The following SANBR variants were observed in gnomAD, a reference collection of about 807,000 sequenced individuals.
SANBR encodes the protein SANT and BTB domain regulator of CSR, also known as SANT and BTB domain regulator of class switch recombination.
Under a neutral mutation model 101.8 loss-of-function variants are expected in SANBR, and 77 were observed. The ratio of observed to expected loss-of-function variants is 0.76; its 90% CI spans 0.63 to 0.91. The LOEUF (loss-of-function observed/expected upper bound fraction) is 0.91, where lower values mean the gene tolerates loss of function less well. Ranked by LOEUF, SANBR falls within the 40% of genes least tolerant of loss-of-function variation. The pLI is 0.00. For synonymous variants in SANBR, 279 were observed against 274.7 expected (o/e 1.02, Z -0.15); for missense variants, 875 against 853.0 (o/e 1.03, Z -0.32).
downstream of SANBR, among the ~76,000 whole-genome samples, chr2:61,126,873 A>T (rs1179131221): frequency 1.3e-5 from 2 of 151,874 alleles, no homozygotes; most frequent in Non-Finnish European, 2.9e-5. Flanking sequence ...ACTACGCTGG[A>T]ATATAGTAAG....
At chr2:61,118,568 T>G (rs1190656587) in intron 20 of SANBR, among the ~76,000 whole-genome samples, 6 of 93,078 alleles carry the variant, frequency 6.4e-5, no homozygotes, top group Non-Finnish European at 1.1e-4. Flanking sequence ...TTTTGTTGGT[T>G]TTTTTTTTTT....
At chr2:61,068,346 T>A (rs1394922142) in intron 1 of SANBR, among the ~76,000 whole-genome samples, 2 of 152,218 alleles carry the variant, frequency 1.3e-5, no homozygotes, top group African/African-American at 4.8e-5. Context: ...TGTTTCCAAC[T>A]GGGCACAAGG....
intron 13 of SANBR, 131 bp from the exon 14 acceptor site, chr2:61,106,432 C>T (rs986207910): frequency 7.8e-5 from 39 of 500,986 alleles, no homozygotes; most frequent in Admixed American, 6.1e-4. Context: ...TCATTGTTGA[C>T]GTGATATCCT....
intron 20 of SANBR, 74 bp downstream of exon 20, chr2:61,118,190 TA>T: frequency 1.0e-6 from 1 of 982,906 alleles, no homozygotes. Context: ...CTTAGGATTA[TA>T]AAGATGTCTT....
intron 10 of SANBR, among the ~76,000 whole-genome samples, chr2:61,091,417 C>A (rs568903973): frequency 6.8e-4 from 103 of 152,000 alleles, no homozygotes; most frequent in Non-Finnish European, 1.3e-3. Flanking sequence ...TGTGGTAAAA[C>A]CCCGTCTCTA....
chr2:61,097,666 A>G lies in SANBR; in HGVS notation c.1213-34A>G, dbSNP rs199568586. The G allele has an allele frequency of 8.8e-6, 13 of 1,477,016 alleles. No homozygotes were observed. In the African/African-American group the frequency reaches 1.7e-4, roughly 19 times the overall value. 91.5% of individuals were successfully genotyped at this position (1,477,016 alleles called of 1,614,324 possible). On this transcript the variant is annotated intron_variant, in intron 11 of 21. Coordinates refer to ENST00000402291, the MANE Select transcript of SANBR (RefSeq NM_001129993.3). ...TTTGAAACATATAATTTTGTTGTGG[A>G]AATAGTAGTTGATTTTATCTATGTC...
Position 61,122,713 on chromosome 2 carries a change from A to G in SANBR, c.*551A>G. ...AAGTTTCAGGGTAAGGTATTTCAGT[A>G]CTGTGTTGGGCAGAAGGGTTAATTT... On this transcript the variant is annotated 3_prime_UTR_variant, in exon 22 of 22. Transcript: ENST00000402291. 1 of 985,766 alleles carries G rather than the reference A, an allele frequency of 1.0e-6. No individual in the cohort carries two copies. Among genetic ancestry groups the G allele is most frequent in the African/African-American group, 1.7e-5 (1 of 57,362 alleles). 61.1% of individuals were successfully genotyped at this position (985,766 alleles called of 1,614,324 possible).
At chr2:61,096,760 CAATT>C (rs1399555552) in intron 11 of SANBR, among the ~76,000 whole-genome samples, 2 of 152,204 alleles carry the variant, frequency 1.3e-5, no homozygotes, top group Admixed American at 6.5e-5. Context: ...TTTAATTTGA[CAATT>C]AAACCTTGAT....
intron 5 of SANBR, among the ~76,000 whole-genome samples, chr2:61,073,794 A>G (rs1446442517): frequency 6.6e-6 from 1 of 152,000 alleles, no homozygotes; most frequent in Non-Finnish European, 1.5e-5. Context: ...TAGAAGTAAT[A>G]TCTCTTAACA....
chr2:61,070,401 A>G lies in SANBR; in HGVS notation c.51A>G (p.Gln17=), dbSNP rs1238867746. ...ENNNFLNNNN[Q]MVLDMILYPL... is the part of the protein sequence containing the mutation. ...ACAATTTCCTGAACAATAATAACCA[A>G]ATGGTATTGGACATGATCCTTTATC... The change falls in exon 3 of 22, where the codon CAA becomes CAG. Residue 17 remains glutamine, a synonymous_variant. Coordinates refer to ENST00000402291, the MANE Select transcript of SANBR (RefSeq NM_001129993.3). 6.3e-7 allele frequency: 1 copy of G among 1,599,658 alleles called. No individual in the cohort carries two copies. Among genetic ancestry groups the G allele is most frequent in the South Asian group, 1.1e-5 (1 of 88,196 alleles).
rs1683578260 is a variant in SANBR at position 61,106,566 on chromosome 2, T to C, written c.1515T>C (p.Asp505=). 6.3e-7 allele frequency: 1 copy of C among 1,586,754 alleles called. No individual in the cohort carries two copies. The highest frequency in any genetic ancestry group is 8.6e-7 in the Non-Finnish European group (1 of 1,167,078). The change falls in exon 14 of 22, where the codon GAT becomes GAC. Residue 505 remains aspartate (D), a synonymous_variant. Coordinates refer to ENST00000402291, the MANE Select transcript of SANBR (RefSeq NM_001129993.3). ...VVPFSKDTVS[D]VGVGLCDEKG... ...AAAAATGTCTTTTTCTTTCAAGTGA[T>C]GTTGGGGTTGGCCTCTGTGATGAAA...
exon 22 of SANBR, chr2:61,137,555 A>G (rs1452926724): frequency 6.6e-6 from 1 of 152,292 alleles, no homozygotes; most frequent in Non-Finnish European, 1.5e-5. Flanking sequence ...GCAGGAGAGG[A>G]AGCCTTATAG....
intron 20 of SANBR, among the ~76,000 whole-genome samples, chr2:61,130,504 G>A (rs185795808): frequency 1.3e-5 from 2 of 152,218 alleles, no homozygotes; most frequent in Admixed American, 1.3e-4. Flanking sequence ...GAATATAGAT[G>A]CAAAAATCCT....
At chr2:61,115,522 G>A (rs563321283) in intron 16 of SANBR, among the ~76,000 whole-genome samples, 89 of 152,112 alleles carry the variant, frequency 5.9e-4, no homozygotes, top group Admixed American at 1.5e-3. Context: ...TAGTATAAAT[G>A]TAAATGTGCC....
At chr2:61,133,292 A>AT (rs1305371979) in intron 20 of SANBR, among the ~76,000 whole-genome samples, 1 of 152,056 alleles carries the variant, frequency 6.6e-6, no homozygotes, top group African/African-American at 2.4e-5. Context: ...AGAGAAGAAA[A>AT]TGTGACTGCA....
chr2:61,109,328 C>A, intron 16 of SANBR, 32 bp downstream of exon 16: 1 of 1,263,044 alleles, frequency 7.9e-7, no homozygotes, highest in Non-Finnish European at 1.1e-6. Context: ...TCAAATCTCC[C>A]TGTTTATGAA....
chr2:61,129,295 T>C (rs1684609652), intron 20 of SANBR, among the ~76,000 whole-genome samples: 1 of 151,424 alleles, frequency 6.6e-6, no homozygotes, highest in Non-Finnish European at 1.5e-5. Context: ...AATACAAAAA[T>C]TATCCAGGTG....
At chr2:61,088,614 A>G in intron 10 of SANBR, 146 bp downstream of exon 10, 2 of 463,468 alleles carry the variant, frequency 4.3e-6, no homozygotes, top group South Asian at 5.6e-5. Flanking sequence ...TCCGCCTCCC[A>G]GGTTCAAGCG....
At chr2:61,074,009 T>C (rs1025358092) in intron 5 of SANBR, among the ~76,000 whole-genome samples, 6 of 152,170 alleles carry the variant, frequency 3.9e-5, no homozygotes, top group Non-Finnish European at 7.4e-5. Flanking sequence ...TGCCTATTTT[T>C]ACAATAAACT....
Sources: allele counts gnomAD v4.1 joint callset (sites outside exome capture counted in the v4.1 genomes callset), GRCh38; gene constraint gnomAD v4.1.1; transcripts MANE v1.5; gene names NCBI Gene and HGNC (gene_info 2026-07-23, HGNC 2026-07-21).